NCKAP5: variants seen among roughly 807,000 people sequenced by gnomAD.
NCKAP5 encodes NCK associated protein 5, also known as nck-associated protein 5.
NCKAP5 carries 92 observed loss-of-function variants against 167.0 expected under a neutral mutation model. That is an observed-to-expected ratio of 0.55 (90% confidence interval 0.47 to 0.66). The LOEUF (loss-of-function observed/expected upper bound fraction) is 0.66. Ranked by LOEUF, NCKAP5 falls within the 30% of genes least tolerant of loss-of-function variation. NCKAP5 has a pLI of 0.00. For synonymous variants in NCKAP5, 891 were observed against 877.4 expected (o/e 1.02, Z -0.27); for missense variants, 2,378 against 2,315.0 (o/e 1.03, Z -0.56).
chr2:133,228,895 T>G (rs2087015291), intron 4 of NCKAP5, among the ~76,000 whole-genome samples: 1 of 152,312 alleles, frequency 6.6e-6, no homozygotes, highest in South Asian at 2.1e-4. Flanking sequence ...AATATTCAAT[T>G]AGTACCTGAT....
chr2:132,803,778 A>T (rs113787600), intron 11 of NCKAP5, among the ~76,000 whole-genome samples: 1 of 152,332 alleles, frequency 6.6e-6, no homozygotes, highest in African/African-American at 2.4e-5. Context: ...TGAAGCATCT[A>T]CTATGTGCAG....
At chr2:133,239,150 G>A (rs2087561354) in intron 4 of NCKAP5, among the ~76,000 whole-genome samples, 1 of 152,098 alleles carries the variant, frequency 6.6e-6, no homozygotes, top group Non-Finnish European at 1.5e-5. Flanking sequence ...TACATTATGT[G>A]CTGGCATCTT....
intron 3 of NCKAP5, among the ~76,000 whole-genome samples, chr2:133,426,617 T>C (rs931504190): frequency 6.6e-5 from 10 of 152,012 alleles, no homozygotes; most frequent in African/African-American, 2.2e-4. Context: ...CAACAACACA[T>C]CAAAAAGATT....
rs1250166782 is a variant in NCKAP5 at position 132,782,147 on chromosome 2, T to C, written c.4664A>G (p.Lys1555Arg). 1 of 1,609,390 alleles carries C rather than the reference T, an allele frequency of 6.2e-7. No individual in the cohort carries two copies. Among genetic ancestry groups the C allele is most frequent in the East Asian group, 2.2e-5 (1 of 44,868 alleles). The change falls in exon 14 of 20, where the codon AAA (lysine) becomes AGA (arginine). Residue 1555 changes from lysine (K) to arginine (R), a missense_variant. Around this residue, in one of 3 missense-constraint regions of NCKAP5, gnomAD observed 1,325 missense variants for 1,274.5 expected, o/e 1.04. Transcript: ENST00000409261. ...CTCACACTGTAGTTCAGGCTTCTTT[T>C]TCTCTTTTTTTCTTTCTGATTTTAG... The part of the protein sequence containing the change: ...RQLKSERKKE[K>R]KKPELQCETE...
chr2:133,385,174 C>T (rs58029642), intron 3 of NCKAP5, among the ~76,000 whole-genome samples: 1 of 152,054 alleles, frequency 6.6e-6, no homozygotes, highest in South Asian at 2.1e-4. Flanking sequence ...TATGATATTG[C>T]CTGTGGGTCT....
At chr2:132,969,738 C>T (rs2076777097) in intron 7 of NCKAP5, among the ~76,000 whole-genome samples, 1 of 151,992 alleles carries the variant, frequency 6.6e-6, no homozygotes, top group East Asian at 1.9e-4. Flanking sequence ...GTGCTCGTGA[C>T]AAAGAGAGTT....
intron 2 of NCKAP5, among the ~76,000 whole-genome samples, chr2:133,533,606 C>T (rs1558761594): frequency 6.6e-6 from 1 of 152,168 alleles, no homozygotes; most frequent in Non-Finnish European, 1.5e-5. Flanking sequence ...CATCACCTGC[C>T]TGTGCAAATG....
intron 6 of NCKAP5, among the ~76,000 whole-genome samples, chr2:133,060,420 T>G (rs1226703361): frequency 6.6e-6 from 1 of 152,196 alleles, no homozygotes; most frequent in Non-Finnish European, 1.5e-5. Context: ...AAATCCCAGA[T>G]ATCAACAAGT....
chr2:133,652,305 G>A, the NCKAP5 span, among the ~76,000 whole-genome samples: 2 of 152,170 alleles, frequency 1.3e-5, no homozygotes, highest in African/African-American at 4.8e-5. Flanking sequence ...CCAAGGCAAC[G>A]GAAGAGGGTG....
the NCKAP5 span, among the ~76,000 whole-genome samples, chr2:133,634,399 A>G: frequency 1.3e-5 from 2 of 152,178 alleles, no homozygotes; most frequent in East Asian, 1.9e-4. Flanking sequence ...TGCCTGCCAC[A>G]ATATGTTAGT....
intron 3 of NCKAP5, among the ~76,000 whole-genome samples, chr2:133,354,345 C>T (rs1684566430): frequency 6.8e-6 from 1 of 147,964 alleles, no homozygotes; most frequent in Admixed American, 6.8e-5. Context: ...TGGACTTGAA[C>T]TCCTGGGCTC....
intron 3 of NCKAP5, among the ~76,000 whole-genome samples, chr2:133,303,571 C>T (rs946599820): frequency 2.6e-5 from 4 of 152,012 alleles, no homozygotes; most frequent in South Asian, 2.1e-4. Flanking sequence ...ATTCATTGGG[C>T]ACTTGTATAC....
chr2:133,055,677 T>A (rs1384518126), intron 6 of NCKAP5, among the ~76,000 whole-genome samples: 30 of 152,062 alleles, frequency 2.0e-4, no homozygotes, highest in Admixed American at 2.0e-3. Context: ...GAAATGAGAA[T>A]GTTGGGCATC....
At chr2:132,948,865 CA>C (rs1329469006) in intron 8 of NCKAP5, among the ~76,000 whole-genome samples, 1 of 151,970 alleles carries the variant, frequency 6.6e-6, no homozygotes, top group Non-Finnish European at 1.5e-5. Context: ...CCTAAAACAC[CA>C]AAAGATTAAT....
At chr2:132,781,014 G>T in intron 15 of NCKAP5, 38 bp downstream of exon 15, 4 of 1,598,442 alleles carry the variant, frequency 2.5e-6, no homozygotes, top group Non-Finnish European at 3.4e-6. Flanking sequence ...GAACATCTCA[G>T]ATTGTAGCAC....
At chr2:133,599,949 G>A in the NCKAP5 span, among the ~76,000 whole-genome samples, 1 of 152,234 alleles carries the variant, frequency 6.6e-6, no homozygotes, top group African/African-American at 2.4e-5. Context: ...ACCCTGTGGT[G>A]GGGTGAGCGA....
chr2:133,273,242 T>C (rs2089593077), intron 4 of NCKAP5, among the ~76,000 whole-genome samples: 1 of 152,204 alleles, frequency 6.6e-6, no homozygotes, highest in African/African-American at 2.4e-5. Context: ...TGCTAGAGGA[T>C]ATAAAGTGAT....
intron 6 of NCKAP5, among the ~76,000 whole-genome samples, chr2:133,104,175 C>T (rs948402877): frequency 3.9e-5 from 6 of 151,990 alleles, no homozygotes; most frequent in Admixed American, 2.6e-4. Flanking sequence ...GATTTCTTAC[C>T]AAATAACAGA....
chr2:133,488,786 C>T (rs937868432), intron 3 of NCKAP5, among the ~76,000 whole-genome samples: 9 of 152,024 alleles, frequency 5.9e-5, no homozygotes, highest in Non-Finnish European at 8.8e-5. Context: ...CATGGTGGCA[C>T]GCACCTATAG....
Sources: allele counts gnomAD v4.1 joint callset (sites outside exome capture counted in the v4.1 genomes callset), GRCh38; gene constraint gnomAD v4.1.1; regional missense constraint gnomAD v4.1.1; transcripts MANE v1.5; gene names NCBI Gene and HGNC (gene_info 2026-07-23, HGNC 2026-07-21).